Variants in FITM2 observed in about 807,000 individuals in gnomAD.
FITM2 encodes the protein acyl-coenzyme A diphosphatase FITM2.
In FITM2, 16 loss-of-function variants were observed where a neutral mutation model predicts 23.3. The ratio of observed to expected loss-of-function variants is 0.69; its 90% CI spans 0.47 to 1.05. The LOEUF is 1.05. Ranked by LOEUF, FITM2 falls within the 50% of genes least tolerant of loss-of-function variation. FITM2 has a pLI of 0.00. For missense variants in FITM2, 273 were observed against 327.5 expected (o/e 0.83, Z 1.29); for synonymous variants, 132 against 142.0 (o/e 0.93, Z 0.50).
intron 1 of FITM2, 92 bp downstream of exon 1, chr20:44,310,884 T>A: frequency 6.9e-7 from 1 of 1,451,102 alleles, no homozygotes; most frequent in African/African-American, 1.4e-5. Flanking sequence ...CTCCAATGAC[T>A]CGTCCACCAC....
At chr20:44,309,327 G>A (rs1269912298) in intron 1 of FITM2, among the ~76,000 whole-genome samples, 2 of 152,022 alleles carry the variant, frequency 1.3e-5, no homozygotes, top group African/African-American at 2.4e-5. Context: ...TTACAGGCAC[G>A]CACCACCACG....
Position 44,306,600 on chromosome 20 carries a change from C to A in FITM2, c.*25G>T. 24 of 1,603,696 alleles carry A rather than the reference C, an allele frequency of 1.5e-5. No individual in the cohort carries two copies. Among genetic ancestry groups the A allele is most frequent in the Non-Finnish European group, 2.0e-5 (23 of 1,173,764 alleles). ...TTTGAAAAATAGATTAGCCATTGTC[C>A]TTCTGTCCCCCCTCTGTTACTCTTT... On this transcript the variant is annotated 3_prime_UTR_variant, in exon 2 of 2. Transcript: ENST00000396825.
chr20:44,306,999 G>T lies in FITM2; in HGVS notation c.415C>A (p.Gln139Lys). The T allele has an allele frequency of 6.2e-7, 1 of 1,614,224 alleles. No individual in the cohort carries two copies. Among genetic ancestry groups the T allele is most frequent in the East Asian group, 2.2e-5 (1 of 44,890 alleles). Reference protein sequence around the residue: ...GVRKEHQSKQQCHQEGGFWHG... With the variant: ...GVRKEHQSKQKCHQEGGFWHG... ...CAAAAGCCCCCTTCCTGGTGGCACT[G>T]CTGCTTGCTCTGGTGTTCCTTTCTG... Residue 139 changes from glutamine (Q) to lysine (K), a missense_variant, in exon 2 of 2, where the codon CAG becomes AAG. This residue lies in a region of FITM2 where 117 missense variants were observed against 183.3 expected (regional missense o/e 0.64). Coordinates refer to ENST00000396825, the MANE Select transcript of FITM2 (RefSeq NM_001080472.4).
In FITM2 at chr20:44,311,045, C is replaced by T. The variant is rs2062703679; in HGVS notation, c.104G>A (p.Gly35Asp). 6.2e-7 allele frequency: 1 copy of T among 1,600,122 alleles called. No homozygotes were observed. The highest frequency in any genetic ancestry group is 1.1e-5 in the South Asian group (1 of 88,626). ...CGGGGACAACTCCTTGAGGAGGGAG[C>T]CCGCCAGCATGGAGGCCACCAGGGC... The part of the protein sequence containing the change: ...PWALVASMLA[G>D]SLLKELSPLP... Residue 35 changes from glycine (G) to aspartate (D), a missense_variant, in exon 1 of 2, where the codon GGC becomes GAC. Coordinates refer to ENST00000396825, the MANE Select transcript of FITM2 (RefSeq NM_001080472.4).
chr20:44,305,553 T>C lies in FITM2; in HGVS notation c.*1072A>G, dbSNP rs957401398. ...AGAACCCTGCCTGAGCCGGGCGCGG[T>C]GGCTCATGCCTGTAATCCCAGCACT... On this transcript the variant is annotated 3_prime_UTR_variant, in exon 2 of 2. Transcript: ENST00000396825. 1 of 151,918 alleles carries C rather than the reference T, an allele frequency of 6.6e-6. No homozygotes were observed. Among genetic ancestry groups the C allele is most frequent in the African/African-American group, 2.4e-5 (1 of 41,366 alleles). The allele number at this position is 151,918 out of a possible 1,614,324, so 9.4% of individuals were successfully genotyped here. A position where few individuals can be genotyped will look rare whatever the true frequency, so the allele number is the denominator to read the frequency against.
intron 1 of FITM2, among the ~76,000 whole-genome samples, chr20:44,310,038 G>A (rs2062700746): frequency 6.6e-6 from 1 of 152,184 alleles, no homozygotes; most frequent in South Asian, 2.1e-4. Context: ...AATCTTCACT[G>A]GGACTGATAA....
At position 44,303,597 on chromosome 20, in the gene FITM2, C is replaced by T. The variant is rs1443933239; in HGVS notation, c.*3028G>A. 6.6e-6 allele frequency: 1 copy of T among 151,748 alleles called. No individual in the cohort carries two copies. The highest frequency in any genetic ancestry group is 1.5e-5 in the Non-Finnish European group (1 of 67,982). The allele number at this position is 151,748 out of a possible 1,614,324, so 9.4% of individuals were successfully genotyped here. On this transcript the variant is annotated 3_prime_UTR_variant, in exon 2 of 2. Transcript: ENST00000396825. ...TTCTGGGGTCACCCTGTGCCTATTC[C>T]CTTTTGGTGCTGAACATGACACTTT...
chr20:44,310,450 A>C (rs2062701788), intron 1 of FITM2, among the ~76,000 whole-genome samples: 1 of 152,062 alleles, frequency 6.6e-6, no homozygotes, highest in Non-Finnish European at 1.5e-5. Context: ...GCCCTCTGTG[A>C]GTATCTCACA....
intron 1 of FITM2, 84 bp downstream of exon 1, chr20:44,310,892 C>T (rs2062703022): frequency 6.8e-7 from 1 of 1,469,688 alleles, no homozygotes; most frequent in Non-Finnish European, 9.1e-7. Context: ...ACTCGTCCAC[C>T]ACGGCAGCTA....
At position 44,304,782 on chromosome 20, in the gene FITM2, A is replaced by T. The variant is rs1281911538; in HGVS notation, c.*1843T>A. On this transcript the variant is annotated 3_prime_UTR_variant, in exon 2 of 2. Transcript: ENST00000396825. ...GCACACTGTTCAGTCTATACCACTG[A>T]TATGTGGTCAGGGACATTTCGGTGC... The T allele has an allele frequency of 2.0e-5, 3 of 152,260 alleles. No individual in the cohort carries two copies. Among genetic ancestry groups the T allele is most frequent in the Non-Finnish European group, 4.4e-5 (3 of 68,048 alleles). 9.4% of individuals were successfully genotyped at this position (152,260 alleles called of 1,614,324 possible).
rs559516581 is a variant in FITM2, at chr20:44,307,174, G to A, written c.240C>T (p.Asn80=). ...CLLLPFIALT[N]YHLTGKAGLV... is the part of the protein sequence containing the mutation. ...AGCCAGCCTTGCCGGTCAGATGGTAGTTGGTGAGGGCAATGAAAGGCAGAA... is the reference window on the plus strand; with the variant it reads ...AGCCAGCCTTGCCGGTCAGATGGTAATTGGTGAGGGCAATGAAAGGCAGAA... The change falls in exon 2 of 2, where the codon AAC becomes AAT. Residue 80 remains asparagine (N), a synonymous_variant. Transcript: ENST00000396825. 10 of 1,614,226 alleles carry A rather than the reference G, an allele frequency of 6.2e-6. No homozygotes were observed. Among genetic ancestry groups the A allele is most frequent in the Middle Eastern group, 1.6e-4 (1 of 6,062 alleles).
At chr20:44,309,781 C>T (rs887097541) in intron 1 of FITM2, among the ~76,000 whole-genome samples, 1 of 152,170 alleles carries the variant, frequency 6.6e-6, no homozygotes, top group East Asian at 1.9e-4. Flanking sequence ...GTGTTGTCAG[C>T]CAGGCCACTT....
At position 44,306,700 on chromosome 20, in the gene FITM2, A is replaced by G. The variant is rs764251423; in HGVS notation, c.714T>C (p.Tyr238=). The G allele has an allele frequency of 1.6e-5, 26 of 1,614,198 alleles. No individual in the cohort carries two copies. The highest frequency in any genetic ancestry group is 2.1e-5 in the Non-Finnish European group (25 of 1,180,024). ...GAAGTCCTGGGGAAAAGGCTTTCGG[A>G]TACCAAAACCCGTATGTCCCGTACC... ...LSWYGTYGFW[Y]PKAFSPGLPP... The change falls in exon 2 of 2, where the codon TAT becomes TAC. Residue 238 remains tyrosine, a synonymous_variant. Coordinates refer to ENST00000396825, the MANE Select transcript of FITM2 (RefSeq NM_001080472.4).
At position 44,311,112 on chromosome 20, in the gene FITM2, C is replaced by G. The variant is rs773501722; in HGVS notation, c.37G>C (p.Gly13Arg). Residue 13 changes from glycine (G) to arginine (R), a missense_variant, in exon 1 of 2, where the codon GGG (glycine) becomes CGG (arginine). Physicochemically the swap from Gly to Arg is moderately radical, Grantham distance 125. Coordinates refer to ENST00000396825, the MANE Select transcript of FITM2 (RefSeq NM_001080472.4). ...CGCACGGCCGCCCGCACCAGCGTCC[C>G]CCGCAACAACCACTCGCAGCGCTCC... ...HLERCEWLLR[G>R]TLVRAAVRRY... is the part of the protein sequence containing the mutation. 6.2e-7 allele frequency: 1 copy of G among 1,612,976 alleles called. No individual in the cohort carries two copies. The highest frequency in any genetic ancestry group is 8.5e-7 in the Non-Finnish European group (1 of 1,179,582).
rs2062690379 is a variant in FITM2 at position 44,306,648 on chromosome 20, T to C, written c.766A>G (p.Lys256Glu). ...TTTTATTTCTTGTAACTATCTTGCTTCAAATTCAAACTACAGCTCTGGGGA... is the reference window on the plus strand; with the variant it reads ...TTTTATTTCTTGTAACTATCTTGCTCCAAATTCAAACTACAGCTCTGGGGA... Reference protein sequence around the residue: ...LPPQSCSLNLKQDSYKK With the variant: ...LPPQSCSLNLEQDSYKK The change falls in exon 2 of 2, where the codon AAG becomes GAG. Residue 256 changes from lysine (K) to glutamate (E), a missense_variant. By Grantham distance (56) the Lys-to-Glu change is moderately conservative (BLOSUM62 1). Coordinates refer to ENST00000396825, the MANE Select transcript of FITM2 (RefSeq NM_001080472.4). 1 of 1,613,742 alleles carries C rather than the reference T, an allele frequency of 6.2e-7. No homozygotes were observed. Among genetic ancestry groups the C allele is most frequent in the East Asian group, 2.2e-5 (1 of 44,876 alleles).
At chr20:44,309,126 C>G (rs2062698423) in intron 1 of FITM2, among the ~76,000 whole-genome samples, 1 of 151,228 alleles carries the variant, frequency 6.6e-6, no homozygotes, top group South Asian at 2.1e-4. Context: ...TCCGGAGTAG[C>G]TGGGATTACA....
rs372613519 is a variant in FITM2, at chr20:44,311,149, G to A, written c.-1C>T. On this transcript the variant is annotated 5_prime_UTR_variant, in exon 1 of 2. Coordinates refer to ENST00000396825, the MANE Select transcript of FITM2 (RefSeq NM_001080472.4). ...ACTCGCAGCGCTCCAGATGCTCCATGCCGGATCTCGTCAGCCACCGTCCTC... is the reference window on the plus strand; with the variant it reads ...ACTCGCAGCGCTCCAGATGCTCCATACCGGATCTCGTCAGCCACCGTCCTC... The A allele has an allele frequency of 7.4e-5, 119 of 1,610,464 alleles. No individual in the cohort carries two copies. The highest frequency in any genetic ancestry group is 2.0e-4 in the Admixed American group (12 of 59,788).
At chr20:44,308,081 C>T (rs2062695744) in intron 1 of FITM2, among the ~76,000 whole-genome samples, 1 of 149,148 alleles carries the variant, frequency 6.7e-6, no homozygotes. Flanking sequence ...AGCGAGACTC[C>T]ATCTCAAAAA....
intron 1 of FITM2, 91 bp downstream of exon 1, chr20:44,310,885 C>T (rs2062702996): frequency 1.1e-5 from 16 of 1,450,848 alleles, no homozygotes; most frequent in Non-Finnish European, 1.5e-5. Context: ...TCCAATGACT[C>T]GTCCACCACG....
Sources: allele counts gnomAD v4.1 joint callset (sites outside exome capture counted in the v4.1 genomes callset), GRCh38; gene constraint gnomAD v4.1.1; regional missense constraint gnomAD v4.1.1; transcripts MANE v1.5; gene names NCBI Gene and HGNC (gene_info 2026-07-23, HGNC 2026-07-21).